Variants in GABRB2 observed in about 807,000 individuals in gnomAD.
The protein encoded by GABRB2 is gamma-aminobutyric acid type A receptor subunit beta2, also known as gamma-aminobutyric acid receptor subunit beta-2.
In GABRB2, 16 loss-of-function variants were observed where a neutral mutation model predicts 54.7. The ratio of observed to expected loss-of-function variants is 0.29; its 90% CI spans 0.20 to 0.44. GABRB2 has a LOEUF of 0.44. Among genes scored for constraint, GABRB2 ranks in the 20% least tolerant of loss-of-function variants. The pLI is 1.00. For synonymous variants in GABRB2, 244 were observed against 233.8 expected, an observed-to-expected ratio of 1.04 and a Z score of -0.40; for missense variants, 355 against 644.0, an observed-to-expected ratio of 0.55 and a Z score of 4.86.
chr5:161,463,554 TTTATATATA>T (rs1758185273), intron 3 of GABRB2, among the ~76,000 whole-genome samples: 1 of 22,066 alleles, frequency 4.5e-5, no homozygotes, highest in African/African-American at 1.5e-4. Context: ...AATATTTTTA[TTTATATATA>T]TATATATATA....
Position 161,336,729 on chromosome 5 carries a change from G to T in GABRB2, c.582C>A (p.Gly194=), listed in dbSNP as rs750096691. 22 of 1,610,686 alleles carry T rather than the reference G, an allele frequency of 1.4e-5. No homozygotes were observed. The highest frequency in any genetic ancestry group is 1.9e-5 in the Non-Finnish European group (22 of 1,179,430). ...TTDDIEFYWR[G]DDNAVTGVTK... ...TTACTCCTGTTACTGCATTATCATCGCCACGCCAGTAAAACTCAATGTCAT... is the reference window on the plus strand; with the variant it reads ...TTACTCCTGTTACTGCATTATCATCTCCACGCCAGTAAAACTCAATGTCAT... The change falls in exon 6 of 10, where the codon GGC becomes GGA. Residue 194 remains glycine, a synonymous_variant. Transcript: ENST00000393959.
At chr5:161,511,677 G>T (rs1262685694) in intron 3 of GABRB2, among the ~76,000 whole-genome samples, 1 of 152,002 alleles carries the variant, frequency 6.6e-6, no homozygotes, top group African/African-American at 2.4e-5. Flanking sequence ...TCAAAATTAA[G>T]GTGTCTGCAA....
intron 3 of GABRB2, among the ~76,000 whole-genome samples, chr5:161,528,815 T>A (rs1305873164): frequency 2.6e-5 from 4 of 151,820 alleles, no homozygotes; most frequent in African/African-American, 9.7e-5. Flanking sequence ...GATTAGAAAC[T>A]TTTTTGAACA....
intron 4 of GABRB2, among the ~76,000 whole-genome samples, chr5:161,412,208 G>A (rs1323858248): frequency 6.6e-6 from 1 of 152,164 alleles, no homozygotes; most frequent in Non-Finnish European, 1.5e-5. Context: ...TGAGTCAGGT[G>A]TGGGAGTCTC....
At chr5:161,522,602 T>C (rs1760150769) in intron 3 of GABRB2, among the ~76,000 whole-genome samples, 1 of 151,606 alleles carries the variant, frequency 6.6e-6, no homozygotes, top group Non-Finnish European at 1.5e-5. Flanking sequence ...TTTCTTTTTG[T>C]AACTCAAAGA....
intron 9 of GABRB2, among the ~76,000 whole-genome samples, chr5:161,310,918 G>A (rs780796607): frequency 1.3e-5 from 2 of 151,842 alleles, no homozygotes; most frequent in Admixed American, 6.6e-5. Flanking sequence ...CCACCACCAC[G>A]CCCGGCTAAT....
intron 3 of GABRB2, among the ~76,000 whole-genome samples, chr5:161,510,661 T>A (rs1759739181): frequency 6.6e-6 from 1 of 151,844 alleles, no homozygotes; most frequent in Non-Finnish European, 1.5e-5. Flanking sequence ...TGAGATGGAG[T>A]CTCATTTCTT....
At chr5:161,372,050 G>A (rs1755148105) in intron 5 of GABRB2, among the ~76,000 whole-genome samples, 1 of 152,094 alleles carries the variant, frequency 6.6e-6, no homozygotes, top group South Asian at 2.1e-4. Flanking sequence ...TTTATAATGA[G>A]ATAAATTCTA....
chr5:161,531,618 A>G (rs1050067702), intron 3 of GABRB2, among the ~76,000 whole-genome samples: 10 of 152,120 alleles, frequency 6.6e-5, no homozygotes, highest in African/African-American at 2.4e-4. Flanking sequence ...ATCACTTTTG[A>G]GTGATCCATG....
intron 3 of GABRB2, among the ~76,000 whole-genome samples, chr5:161,487,044 T>C (rs1186889920): frequency 1.3e-5 from 2 of 151,964 alleles, no homozygotes; most frequent in Non-Finnish European, 1.5e-5. Context: ...ATTCCATAGC[T>C]TGTCTTCATG....
At chr5:161,457,196 G>A (rs886398344) in intron 4 of GABRB2, among the ~76,000 whole-genome samples, 6 of 152,178 alleles carry the variant, frequency 3.9e-5, no homozygotes, top group Non-Finnish European at 7.4e-5. Flanking sequence ...AGCCCTCTCC[G>A]TGGGGAAGTG....
chr5:161,517,687 T>C (rs532922349), intron 3 of GABRB2, among the ~76,000 whole-genome samples: 1 of 152,318 alleles, frequency 6.6e-6, no homozygotes, highest in Admixed American at 6.5e-5. Context: ...TCATAGTAAT[T>C]CCCAGAACTG....
intron 3 of GABRB2, among the ~76,000 whole-genome samples, chr5:161,492,167 C>G (rs1462838112): frequency 6.6e-6 from 1 of 151,596 alleles, no homozygotes; most frequent in African/African-American, 2.4e-5. Context: ...GATTCCAGAA[C>G]TTTTCTTAAA....
chr5:161,452,820 C>A (rs1194069448), intron 4 of GABRB2, among the ~76,000 whole-genome samples: 1 of 152,074 alleles, frequency 6.6e-6, no homozygotes, highest in East Asian at 1.9e-4. Context: ...AAGGCGAAAC[C>A]TCACCTCTAC....
At chr5:161,494,126 C>G (rs1363129939) in intron 3 of GABRB2, among the ~76,000 whole-genome samples, 2 of 151,736 alleles carry the variant, frequency 1.3e-5, no homozygotes, top group Non-Finnish European at 3.0e-5. Flanking sequence ...TACCATAAAA[C>G]ATAATCTCTA....
At chr5:161,521,222 T>G (rs185717992) in intron 3 of GABRB2, among the ~76,000 whole-genome samples, 1 of 152,046 alleles carries the variant, frequency 6.6e-6, no homozygotes, top group Admixed American at 6.6e-5. Context: ...ATATATTTGG[T>G]GTTTGCCCCA....
intron 3 of GABRB2, among the ~76,000 whole-genome samples, chr5:161,484,324 C>A (rs1414497077): frequency 1.3e-5 from 2 of 151,958 alleles, no homozygotes; most frequent in Non-Finnish European, 2.9e-5. Context: ...AACTTGTGTT[C>A]ATTTCTTTTC....
chr5:161,343,571 C>T (rs964417674), intron 5 of GABRB2, among the ~76,000 whole-genome samples: 3 of 151,910 alleles, frequency 2.0e-5, no homozygotes, highest in Non-Finnish European at 2.9e-5. Flanking sequence ...TTTGGCTCCA[C>T]GATGTGTTTC....
intron 3 of GABRB2, among the ~76,000 whole-genome samples, chr5:161,522,825 A>C (rs562765839): frequency 6.6e-6 from 1 of 151,608 alleles, no homozygotes; most frequent in African/African-American, 2.4e-5. Flanking sequence ...TTTGACCATT[A>C]AATTTTAATG....
Sources: allele counts gnomAD v4.1 joint callset (sites outside exome capture counted in the v4.1 genomes callset), GRCh38; gene constraint gnomAD v4.1.1; transcripts MANE v1.5; gene names NCBI Gene and HGNC (gene_info 2026-07-23, HGNC 2026-07-21).